Variants in PPP4R2 observed in about 807,000 individuals in gnomAD.
PPP4R2 encodes serine/threonine-protein phosphatase 4 regulatory subunit 2.
Under a neutral mutation model 47.2 loss-of-function variants are expected in PPP4R2, and 13 were observed. The observed-to-expected ratio is 0.28, with a 90% CI of 0.18 to 0.44. The LOEUF is 0.44. PPP4R2 is among the 20% of genes least tolerant of loss of function. The pLI, the probability that PPP4R2 is intolerant of heterozygous loss-of-function variation, is 1.00. For synonymous variants in PPP4R2, 151 were observed against 163.3 expected (o/e 0.92, Z 0.57); for missense variants, 421 against 491.2 (o/e 0.86, Z 1.35).
intron 4 of PPP4R2, among the ~76,000 whole-genome samples, 198 bp downstream of exon 4, chr3:73,059,328 G>C (rs1261665309): frequency 2.0e-5 from 3 of 152,166 alleles, no homozygotes; most frequent in Non-Finnish European, 4.4e-5. Flanking sequence ...AGGAGGGTTT[G>C]TGTGTTGGTC....
At chr3:73,047,999 C>T (rs779384090) in intron 3 of PPP4R2, among the ~76,000 whole-genome samples, 2 of 152,138 alleles carry the variant, frequency 1.3e-5, no homozygotes, top group East Asian at 1.9e-4. Flanking sequence ...CCCTCAGCTT[C>T]GCGAGTAACT....
At chr3:73,038,630 G>C (rs1176564102) in intron 2 of PPP4R2, among the ~76,000 whole-genome samples, 1 of 152,148 alleles carries the variant, frequency 6.6e-6, no homozygotes, top group South Asian at 2.1e-4. Flanking sequence ...TCCTGACCTT[G>C]TGATCCGCCC....
chr3:73,031,552 AG>A (rs1385513701), intron 2 of PPP4R2, among the ~76,000 whole-genome samples: 2 of 106,834 alleles, frequency 1.9e-5, no homozygotes, highest in Non-Finnish European at 4.0e-5. Flanking sequence ...AAAAAAGAAA[AG>A]AAAAAAAGAA....
chr3:72,999,876 TAGC>T (rs748149224), intron 2 of PPP4R2, among the ~76,000 whole-genome samples: 7 of 152,370 alleles, frequency 4.6e-5, no homozygotes, highest in South Asian at 4.1e-4. Context: ...ATTATGTAAA[TAGC>T]AGCCAGTGTT....
At chr3:73,054,493 G>T (rs1350658395) in intron 3 of PPP4R2, among the ~76,000 whole-genome samples, 2 of 152,162 alleles carry the variant, frequency 1.3e-5, no homozygotes, top group African/African-American at 4.8e-5. Flanking sequence ...TTTCCATGTT[G>T]ACAGTTAAGT....
intron 3 of PPP4R2, among the ~76,000 whole-genome samples, chr3:73,049,572 G>C (rs13071246): frequency 0.56 from 85,418 of 151,800 alleles, 25,002 homozygotes; most frequent in African/African-American, 0.74. Flanking sequence ...GACATAGTGA[G>C]TCGTCTTTTA....
At chr3:73,006,209 T>C (rs1291518121) in intron 2 of PPP4R2, among the ~76,000 whole-genome samples, 1 of 97,544 alleles carries the variant, frequency 1.0e-5, no homozygotes, top group Non-Finnish European at 2.2e-5. Context: ...TTTTTTTTTT[T>C]TTTTTTTTGA....
At chr3:73,018,452 T>TTATG (rs1701894653) in intron 2 of PPP4R2, among the ~76,000 whole-genome samples, 1 of 96,506 alleles carries the variant, frequency 1.0e-5, no homozygotes, top group Non-Finnish European at 2.3e-5. Flanking sequence ...TGTTATGTTA[T>TTATG]TTATGTTATG....
chr3:73,003,571 C>T (rs1701530075), intron 2 of PPP4R2, among the ~76,000 whole-genome samples: 1 of 152,200 alleles, frequency 6.6e-6, no homozygotes, highest in African/African-American at 2.4e-5. Flanking sequence ...CTCATGCCTA[C>T]AACCAGTCCT....
intron 2 of PPP4R2, among the ~76,000 whole-genome samples, chr3:72,998,538 G>GT (rs1701397335): frequency 6.6e-6 from 1 of 151,880 alleles, no homozygotes; most frequent in Non-Finnish European, 1.5e-5. Flanking sequence ...AGTCTTGGTG[G>GT]TATTTTCTCA....
intron 2 of PPP4R2, among the ~76,000 whole-genome samples, chr3:73,039,669 G>T (rs1702337390): frequency 6.6e-6 from 1 of 152,158 alleles, no homozygotes; most frequent in Non-Finnish European, 1.5e-5. Flanking sequence ...TGTGCTGCAG[G>T]TTTCTAGTGG....
chr3:73,052,595 T>C (rs1208154341), intron 3 of PPP4R2, among the ~76,000 whole-genome samples: 2 of 152,072 alleles, frequency 1.3e-5, no homozygotes, highest in Non-Finnish European at 2.9e-5. Context: ...TGTTGAGGGA[T>C]AGAGAGCATG....
At position 73,066,235 on chromosome 3, in the gene PPP4R2, C is replaced by CGTACATAT. The variant is rs1702992532; in HGVS notation, c.*513_*514insGTACATAT. On this transcript the variant is annotated 3_prime_UTR_variant, in exon 9 of 9. Coordinates refer to ENST00000356692, the MANE Select transcript of PPP4R2 (RefSeq NM_174907.4). The stretch of plus-strand genomic sequence containing the variant: ...ACAATGGAACTTTAAGTCATATATA[C>CGTACATAT]ATACATATATATATATATATATATA... The CGTACATAT allele has an allele frequency of 1.2e-5, 1 of 80,004 alleles. No homozygotes were observed. The highest frequency in any genetic ancestry group is 1.2e-4 in the Admixed American group (1 of 8,524). The allele number at this position is 80,004 out of a possible 1,614,324, so 5.0% of individuals were successfully genotyped here. A position where few individuals can be genotyped will look rare whatever the true frequency, so the allele number is the denominator to read the frequency against.
At chr3:73,002,628 TC>T (rs1323106904) in intron 2 of PPP4R2, among the ~76,000 whole-genome samples, 138 of 100,922 alleles carry the variant, frequency 1.4e-3, no homozygotes, top group African/African-American at 5.1e-3. Flanking sequence ...TCTTTTCTTT[TC>T]TTTTCTTTTT....
Position 72,998,166 on chromosome 3 carries a change from G to A in PPP4R2, c.116+8G>A, listed in dbSNP as rs1304842660. On this transcript the variant is annotated splice_region_variant and intron_variant, in intron 2 of 8. Transcript: ENST00000356692. Reference sequence around the variant, plus strand: ...CAAGACTGGAGAAACAATGTGAGTTGAAAACATGCATTTGTCGTTATAGAC... The same window carrying A: ...CAAGACTGGAGAAACAATGTGAGTTAAAAACATGCATTTGTCGTTATAGAC... 6.3e-7 allele frequency: 1 copy of A among 1,583,936 alleles called. No individual in the cohort carries two copies. Among genetic ancestry groups the A allele is most frequent in the South Asian group, 1.1e-5 (1 of 87,080 alleles).
In PPP4R2 at chr3:73,047,368, A is replaced by C; in HGVS notation, c.287+12A>C. 1 of 1,533,830 alleles carries C rather than the reference A, an allele frequency of 6.5e-7. No individual in the cohort carries two copies. ...ACTGGATTTAATGGGTATGCACTTAATACTGTTTTAAAGATTTAATTTTTA... is the reference window on the plus strand; with the variant it reads ...ACTGGATTTAATGGGTATGCACTTACTACTGTTTTAAAGATTTAATTTTTA... On this transcript the variant is annotated intron_variant, in intron 3 of 8. Coordinates refer to ENST00000356692, the MANE Select transcript of PPP4R2 (RefSeq NM_174907.4).
intron 3 of PPP4R2, among the ~76,000 whole-genome samples, chr3:73,049,674 T>C (rs565425427): frequency 6.9e-4 from 105 of 151,774 alleles, no homozygotes; most frequent in African/African-American, 2.4e-3. Flanking sequence ...TTACTTGTTA[T>C]TCTGAATTAG....
intron 2 of PPP4R2, among the ~76,000 whole-genome samples, chr3:73,029,471 G>C (rs1702128859): frequency 6.6e-6 from 1 of 152,308 alleles, no homozygotes; most frequent in South Asian, 2.1e-4. Flanking sequence ...GGATTTCCAG[G>C]CAAGATAGAG....
chr3:73,036,211 G>C (rs998721727), intron 2 of PPP4R2, among the ~76,000 whole-genome samples: 1 of 152,160 alleles, frequency 6.6e-6, no homozygotes, highest in African/African-American at 2.4e-5. Context: ...CTTAACGGAG[G>C]TAGAGAGTAG....
Sources: allele counts gnomAD v4.1 joint callset (sites outside exome capture counted in the v4.1 genomes callset), GRCh38; gene constraint gnomAD v4.1.1; transcripts MANE v1.5; gene names NCBI Gene and HGNC (gene_info 2026-07-23, HGNC 2026-07-21).